The following SLC25A41 variants were observed in gnomAD, a reference collection of about 807,000 sequenced individuals.
SLC25A41 encodes mitochondrial carrier protein SCaMC-3L.
In SLC25A41, 35 loss-of-function variants were observed where a neutral mutation model predicts 34.7. That is an observed-to-expected ratio of 1.01 (90% CI 0.77 to 1.34). The LOEUF (loss-of-function observed/expected upper bound fraction) is 1.34, where lower values mean the gene tolerates loss of function less well. SLC25A41 is among the 40% of genes most tolerant of loss of function. SLC25A41 has a pLI of 0.00. For synonymous variants in SLC25A41, 190 were observed against 209.9 expected (o/e 0.91, Z 0.82); for missense variants, 492 against 489.8 (o/e 1.00, Z -0.04).
chr19:6,433,362 C>T lies in SLC25A41; in HGVS notation c.207+125G>A. 2.0e-6 allele frequency: 2 copies of T among 998,248 alleles called. 1 individual carries two copies. The highest frequency in any genetic ancestry group is 6.1e-4 in the Middle Eastern group (2 of 3,280). The allele number at this position is 998,248 out of a possible 1,614,324, so 61.8% of individuals were successfully genotyped here. A position where few individuals can be genotyped will look rare whatever the true frequency, so the allele number is the denominator to read the frequency against. On this transcript the variant is annotated intron_variant, in intron 1 of 6. Transcript: ENST00000321510. Reference sequence around the variant, plus strand: ...ATCGCGCCCTGCCTCCCTGCCCCACCCTGCTTCAAGGTGGAATTCTAGGTC... The same window carrying T: ...ATCGCGCCCTGCCTCCCTGCCCCACTCTGCTTCAAGGTGGAATTCTAGGTC...
rs578094914 is a variant in SLC25A41, at chr19:6,429,783, G to A, written c.565C>T (p.Arg189Cys). ...ACAGCCAGGGAGCCAGCAAGGAGACGCTCCTGGAAGGGCGGGGACCCTTGT... is the reference window on the plus strand; with the variant it reads ...ACAGCCAGGGAGCCAGCAAGGAGACACTCCTGGAAGGGCGGGGACCCTTGT... ...GIQGSPPFQE[R>C]LLAGSLAVAI... Residue 189 changes from arginine (R) to cysteine (C), a missense_variant, in exon 4 of 7, where the codon CGT becomes TGT. Arg to Cys is a radical substitution (Grantham distance 180, BLOSUM62 -3). Coordinates refer to ENST00000321510, the MANE Select transcript of SLC25A41 (RefSeq NM_173637.4). 121 of 1,610,544 alleles carry A rather than the reference G, an allele frequency of 7.5e-5. No homozygotes were observed. The highest frequency in any genetic ancestry group is 9.2e-5 in the Non-Finnish European group (109 of 1,178,592).
In SLC25A41 at chr19:6,427,327, C is replaced by T. The variant is rs1568348398; in HGVS notation, c.792+7G>A. ...CAGCCCTGCCACCCCCTCTGCAGGACCCATACCTCATAGACAGCCAGGTCG... is the reference window on the plus strand; with the variant it reads ...CAGCCCTGCCACCCCCTCTGCAGGATCCATACCTCATAGACAGCCAGGTCG... On this transcript the variant is annotated splice_region_variant and intron_variant, in intron 5 of 6. Coordinates refer to ENST00000321510, the MANE Select transcript of SLC25A41 (RefSeq NM_173637.4). This position sits in a 1 kb window ranked among gnomAD's most constrained non-coding sequence, Gnocchi z 4.9. 1 of 1,606,078 alleles carries T rather than the reference C, an allele frequency of 6.2e-7. No homozygotes were observed. The highest frequency in any genetic ancestry group is 1.1e-5 in the South Asian group (1 of 90,468).
chr19:6,432,522 A>G (rs1326394589), intron 1 of SLC25A41, among the ~76,000 whole-genome samples: 1 of 104,616 alleles, frequency 9.6e-6, no homozygotes, highest in Non-Finnish European at 1.8e-5. Flanking sequence ...GGGTTTCACT[A>G]TGTTGGCCAG....
At chr19:6,434,675 G>A (rs1396934254), upstream of SLC25A41, among the ~76,000 whole-genome samples, 1 of 152,092 alleles carries the variant, frequency 6.6e-6, no homozygotes, top group East Asian at 1.9e-4. Context: ...TTGGGAGGCC[G>A]AGGTTGGCAG....
rs34519561 is a variant in SLC25A41, at chr19:6,432,473, A to ATTTTTTTT, written c.208-277_208-270dup. Among the ~76,000 whole-genome samples, 12 of 80,990 alleles carry ATTTTTTTT rather than the reference A, an allele frequency of 1.5e-4. 1 individual carries two copies. The highest frequency in any genetic ancestry group is 6.5e-4 in the African/African-American group (12 of 18,402). The allele number at this position is 80,990 out of a possible 152,430, so 53.1% of individuals were successfully genotyped here. A position where few individuals can be genotyped will look rare whatever the true frequency, so the allele number is the denominator to read the frequency against. On this transcript the variant is annotated intron_variant, in intron 1 of 6. Transcript: ENST00000321510. ...TTATAGGCATGCACCACAACACCTA[A>ATTTTTTTT]TTTTTTTTTTTTTTTTTTTTTTTTT...
At chr19:6,428,162 A>G (rs1174255611) in intron 4 of SLC25A41, among the ~76,000 whole-genome samples, 1 of 151,876 alleles carries the variant, frequency 6.6e-6, no homozygotes, top group Non-Finnish European at 1.5e-5. Context: ...CATGCCTGTA[A>G]TCCCAGCACT....
chr19:6,426,705 T>C (rs80016995), intron 6 of SLC25A41, 144 bp from the exon 7 acceptor site: 10,850 of 821,918 alleles, frequency 0.013, 122 homozygotes, highest in South Asian at 0.028. Flanking sequence ...TTAGAGGAAA[T>C]TGGTCAGTTT....
chr19:6,433,871 A>G (rs542832217), upstream of SLC25A41: 244 of 491,650 alleles, frequency 5.0e-4, 2 homozygotes, highest in African/African-American at 4.1e-3. Context: ...TCCCCCAAGT[A>G]TCCACCTCCT....
chr19:6,433,159 C>G (rs1394598851), intron 1 of SLC25A41, among the ~76,000 whole-genome samples: 5 of 152,092 alleles, frequency 3.3e-5, no homozygotes. Flanking sequence ...AGCGATTCTC[C>G]TGCCTCAGCC....
At chr19:6,430,482 T>G in intron 2 of SLC25A41, 3 of 447,298 alleles carry the variant, frequency 6.7e-6, no homozygotes, top group Non-Finnish European at 8.2e-6. Flanking sequence ...CCTCCGTTCC[T>G]CCCTTCCTTC....
chr19:6,433,887 C>T (rs2092296800), upstream of SLC25A41: 1 of 476,748 alleles, frequency 2.1e-6, no homozygotes, highest in South Asian at 4.6e-5. Context: ...CTCCTGATCC[C>T]CCAAACCAAT....
At chr19:6,435,224 AAAAAAAAAAAAAAG>A (rs919965826), upstream of SLC25A41, among the ~76,000 whole-genome samples, 5 of 136,824 alleles carry the variant, frequency 3.7e-5, no homozygotes, top group East Asian at 2.1e-4. Context: ...ACCCTGTCTC[AAAAAAAAAAAAAAG>A]AAAAAAAAAA....
chr19:6,432,700 C>T (rs976576119), intron 1 of SLC25A41, among the ~76,000 whole-genome samples: 4 of 151,686 alleles, frequency 2.6e-5, no homozygotes, highest in South Asian at 2.1e-4. Flanking sequence ...AAGCGATTCT[C>T]GTGTCTCAGC....
rs927732134 is a variant in SLC25A41, at chr19:6,427,896, T to A, written c.625-395A>T. 2.5e-4 allele frequency among the ~76,000 whole-genome samples: 38 copies of A among 151,976 alleles called. No homozygotes were observed. Among genetic ancestry groups the A allele is most frequent in the Admixed American group, 1.3e-4 (2 of 15,234 alleles). ...TGGGAGAACAGCCTGGAAAACTGAT[T>A]AAGAATAACAGGGAAGGGAGGCGAG... is the stretch of plus-strand genomic sequence containing the variant. On this transcript the variant is annotated intron_variant, in intron 4 of 6. Coordinates refer to ENST00000321510, the MANE Select transcript of SLC25A41 (RefSeq NM_173637.4). The surrounding 1 kb of genome is among the most constrained non-coding windows in gnomAD (Gnocchi z 4.9).
intron 2 of SLC25A41, 113 bp from the exon 3 acceptor site, chr19:6,430,274 C>T (rs1435023632): frequency 1.7e-6 from 2 of 1,204,356 alleles, no homozygotes; most frequent in African/African-American, 1.5e-5. Flanking sequence ...CCCAACCCAT[C>T]CCCATCCCAT....
chr19:6,427,942 A>G lies in SLC25A41; in HGVS notation c.625-441T>C, dbSNP rs990048721. Among the ~76,000 whole-genome samples, 1 of 152,208 alleles carries G rather than the reference A, an allele frequency of 6.6e-6. No homozygotes were observed. The highest frequency in any genetic ancestry group is 1.5e-5 in the Non-Finnish European group (1 of 68,032). On this transcript the variant is annotated intron_variant, in intron 4 of 6. Coordinates refer to ENST00000321510, the MANE Select transcript of SLC25A41 (RefSeq NM_173637.4). The surrounding 1 kb of genome is among the most constrained non-coding windows in gnomAD (Gnocchi z 4.9). ...GCGAGAAAACATGCCCTCAAGCCTCAAAAATTGAAGACAGCTGGCAAAACT... is the reference window on the plus strand; with the variant it reads ...GCGAGAAAACATGCCCTCAAGCCTCGAAAATTGAAGACAGCTGGCAAAACT...
upstream of SLC25A41, among the ~76,000 whole-genome samples, chr19:6,435,568 G>A (rs1432744233): frequency 5.3e-5 from 8 of 151,814 alleles, no homozygotes; most frequent in East Asian, 3.9e-4. Flanking sequence ...TAAAAATAAC[G>A]AAAATTAGCT....
At chr19:6,433,361 C>A in intron 1 of SLC25A41, 126 bp downstream of exon 1, 2 of 989,554 alleles carry the variant, frequency 2.0e-6, no homozygotes, top group Non-Finnish European at 3.1e-6. Flanking sequence ...CCCTGCCCCA[C>A]CCTGCTTCAA....
rs969043911 is a variant in SLC25A41 at position 6,432,170 on chromosome 19, A to G, written c.242T>C (p.Val81Ala). The part of the protein sequence containing the change: ...LDTGEQLMVP[V>A]EVLEVDNKEA... ...CTTGTTATCCACTTCCAGGACTTCCACGGGGACCATCAGCTGCTCTCCTGT... is the reference window on the plus strand; with the variant it reads ...CTTGTTATCCACTTCCAGGACTTCCGCGGGGACCATCAGCTGCTCTCCTGT... Residue 81 changes from valine to alanine, a missense_variant, in exon 2 of 7, where the codon GTG becomes GCG. Transcript: ENST00000321510. 1.2e-6 allele frequency: 2 copies of G among 1,613,652 alleles called. No homozygotes were observed. The highest frequency in any genetic ancestry group is 2.7e-5 in the African/African-American group (2 of 74,868).
Sources: allele counts gnomAD v4.1 joint callset (sites outside exome capture counted in the v4.1 genomes callset), GRCh38; gene constraint gnomAD v4.1.1; non-coding constraint Gnocchi (gnomAD v3.1); transcripts MANE v1.5; gene names NCBI Gene and HGNC (gene_info 2026-07-23, HGNC 2026-07-21).